Variants in PRELID2 observed in about 807,000 individuals in gnomAD.
PRELID2 encodes PRELI domain-containing protein 2.
PRELID2 carries 25 observed loss-of-function variants against 28.4 expected under a neutral mutation model. The ratio of observed to expected loss-of-function variants is 0.88; its 90% confidence interval spans 0.64 to 1.23. PRELID2 has a LOEUF of 1.23. Ranked by LOEUF, PRELID2 falls within the 50% of genes most tolerant of loss-of-function variation. The pLI is 0.00. For synonymous variants in PRELID2, 76 were observed against 71.6 expected, an observed-to-expected ratio of 1.06 and a Z score of -0.31; for missense variants, 201 against 214.4, an observed-to-expected ratio of 0.94 and a Z score of 0.39.
chr5:145,635,604 G>C (rs1397487863), intron 1 of PRELID2, among the ~76,000 whole-genome samples: 1 of 152,216 alleles, frequency 6.6e-6, no homozygotes, highest in African/African-American at 2.4e-5. Context: ...TCTGGCAGCA[G>C]TGCCTGAGCT....
At chr5:145,561,940 GACC>G (rs1178447830) in intron 1 of PRELID2, among the ~76,000 whole-genome samples, 1 of 152,114 alleles carries the variant, frequency 6.6e-6, no homozygotes, top group African/African-American at 2.4e-5. Context: ...AATAGGAGGT[GACC>G]ACTAATGGGT....
At chr5:145,301,032 T>C in the PRELID2 span, among the ~76,000 whole-genome samples, 2 of 152,116 alleles carry the variant, frequency 1.3e-5, no homozygotes, top group African/African-American at 2.4e-5. Flanking sequence ...GTGCATACTT[T>C]TTCCCCCTTG....
intron 1 of PRELID2, among the ~76,000 whole-genome samples, chr5:145,519,070 G>T (rs898121190): frequency 6.6e-6 from 1 of 151,986 alleles, no homozygotes; most frequent in Admixed American, 6.5e-5. Context: ...ATCATAACCT[G>T]CCCTCAGCAC....
chr5:145,702,011 A>AT (rs1456221311), intron 1 of PRELID2, among the ~76,000 whole-genome samples: 1 of 152,032 alleles, frequency 6.6e-6, no homozygotes, highest in African/African-American at 2.4e-5. Flanking sequence ...AGATCATGCC[A>AT]TTGCACTCCA....
chr5:145,720,138 T>C (rs555949667), intron 1 of PRELID2, among the ~76,000 whole-genome samples: 20 of 151,744 alleles, frequency 1.3e-4, no homozygotes, highest in Non-Finnish European at 2.7e-4. Context: ...TTACATGTAA[T>C]TGAACTCTCT....
the PRELID2 span, among the ~76,000 whole-genome samples, chr5:145,420,189 G>T: frequency 6.6e-6 from 1 of 152,032 alleles, no homozygotes; most frequent in Non-Finnish European, 1.5e-5. Context: ...TGTTCTTTTG[G>T]CTTAGGATTG....
At chr5:145,784,822 C>T (rs1449830585) in intron 5 of PRELID2, among the ~76,000 whole-genome samples, 3 of 149,198 alleles carry the variant, frequency 2.0e-5, no homozygotes, top group Non-Finnish European at 4.4e-5. Flanking sequence ...CATATACATA[C>T]ATTTGCAAAC....
chr5:145,831,320 A>C (rs1046302879), intron 1 of PRELID2, among the ~76,000 whole-genome samples: 1 of 152,160 alleles, frequency 6.6e-6, no homozygotes, highest in Non-Finnish European at 1.5e-5. Flanking sequence ...ATCCACCTAA[A>C]GGAAGGAGTA....
chr5:145,508,369 A>T (rs1752431498), intron 1 of PRELID2, among the ~76,000 whole-genome samples: 1 of 152,104 alleles, frequency 6.6e-6, no homozygotes, highest in South Asian at 2.1e-4. Context: ...AAACAGACAT[A>T]TAGTTGTATA....
At chr5:145,258,697 G>A in the PRELID2 span, among the ~76,000 whole-genome samples, 8 of 152,306 alleles carry the variant, frequency 5.3e-5, no homozygotes, top group African/African-American at 1.9e-4. Context: ...ATTTAAAAGA[G>A]ATACAGAGTA....
At chr5:145,728,226 C>T (rs1756230416) in intron 1 of PRELID2, 2 of 215,756 alleles carry the variant, frequency 9.3e-6, no homozygotes, top group African/African-American at 4.7e-5. Flanking sequence ...AGGGCACTGA[C>T]CTTATATTGT....
chr5:145,364,098 C>A, the PRELID2 span, among the ~76,000 whole-genome samples: 1 of 151,896 alleles, frequency 6.6e-6, no homozygotes, highest in African/African-American at 2.4e-5. Context: ...TTCATAAGAG[C>A]TACTTTTAAA....
At chr5:145,515,670 T>C (rs1256424927) in intron 1 of PRELID2, among the ~76,000 whole-genome samples, 3 of 151,946 alleles carry the variant, frequency 2.0e-5, no homozygotes, top group Non-Finnish European at 2.9e-5. Context: ...GATACCAAAC[T>C]TGGCAGAGAC....
At chr5:145,649,414 G>A (rs1029226032) in intron 1 of PRELID2, among the ~76,000 whole-genome samples, 1 of 152,176 alleles carries the variant, frequency 6.6e-6, no homozygotes, top group African/African-American at 2.4e-5. Flanking sequence ...TTGCCCAGCT[G>A]TAAGCTAATG....
the PRELID2 span, among the ~76,000 whole-genome samples, chr5:145,439,796 C>T: frequency 1.3e-5 from 2 of 152,024 alleles, no homozygotes; most frequent in African/African-American, 2.4e-5. Flanking sequence ...CCTAACTTGC[C>T]TTCTATCCTT....
At chr5:145,457,711 T>C in the PRELID2 span, among the ~76,000 whole-genome samples, 1 of 152,192 alleles carries the variant, frequency 6.6e-6, no homozygotes, top group Non-Finnish European at 1.5e-5. Context: ...AGCTTTTCTG[T>C]AATATGATTC....
In PRELID2 at chr5:145,757,619, T is replaced by A. The variant is rs540076241; in HGVS notation, c.*2917A>T. ...AGAATAAAAAACATGGACTTCTAAATGTTTTATCACAAAACATATAATTTA... is the reference window on the plus strand; with the variant it reads ...AGAATAAAAAACATGGACTTCTAAAAGTTTTATCACAAAACATATAATTTA... On this transcript the variant is annotated 3_prime_UTR_variant, in exon 7 of 7. Coordinates refer to ENST00000683046, the MANE Select transcript of PRELID2 (RefSeq NM_205846.3). Among the ~76,000 whole-genome samples the A allele has an allele frequency of 3.3e-5, 5 of 152,224 alleles. No individual in the cohort carries two copies. In the South Asian group the frequency reaches 1.0e-3, roughly 32 times the overall value.
the PRELID2 span, among the ~76,000 whole-genome samples, chr5:145,261,132 ACACTCCCATCCCC>A: frequency 1.3e-5 from 2 of 152,080 alleles, no homozygotes; most frequent in Non-Finnish European, 2.9e-5. Context: ...CCTGAGAACC[ACACTCCCATCCCC>A]CACAGCAGCT....
intron 1 of PRELID2, among the ~76,000 whole-genome samples, chr5:145,526,945 T>C (rs1431088598): frequency 1.3e-5 from 2 of 152,198 alleles, no homozygotes; most frequent in East Asian, 1.9e-4. Flanking sequence ...AGTCACTCTT[T>C]ATACATTAAG....
Sources: gnomAD v4.1 joint callset for allele counts (sites outside exome capture counted in the v4.1 genomes callset) on GRCh38, gnomAD v4.1.1 for gene constraint, MANE v1.5 for transcripts, NCBI Gene and HGNC (gene_info 2026-07-23, HGNC 2026-07-21) for gene names.